METTL15: variants seen among roughly 807,000 people sequenced by gnomAD.
The protein encoded by METTL15 is methyltransferase 15, mitochondrial 12S rRNA N4-cytidine.
In METTL15, 34 loss-of-function variants were observed where a neutral mutation model predicts 38.3. That is an observed-to-expected ratio of 0.89 (90% CI 0.68 to 1.18). The LOEUF (loss-of-function observed/expected upper bound fraction) is 1.18. Ranked by LOEUF, METTL15 falls within the 50% of genes most tolerant of loss-of-function variation. The pLI, the probability that METTL15 is intolerant of heterozygous loss-of-function variation, is 0.00. For synonymous variants in METTL15, 162 were observed against 170.9 expected, an observed-to-expected ratio of 0.95 and a Z score of 0.41; for missense variants, 438 against 498.4, an observed-to-expected ratio of 0.88 and a Z score of 1.15.
intron 6 of METTL15, among the ~76,000 whole-genome samples, chr11:28,523,990 G>C (rs1312206876): frequency 6.6e-6 from 1 of 152,224 alleles, no homozygotes; most frequent in East Asian, 1.9e-4. Context: ...GCACAGGATA[G>C]ATCCCTAAAA....
In METTL15 at chr11:28,362,719, A is replaced by G. The variant is rs936355709; in HGVS notation, c.*358+683A>G. Among the ~76,000 whole-genome samples, 6 of 152,190 alleles carry G rather than the reference A, an allele frequency of 3.9e-5. No individual in the cohort carries two copies. The South Asian group carries it at 6.2e-4, about 16-fold the overall frequency. On this transcript the variant is annotated intron_variant and NMD_transcript_variant, in intron 5 of 7. Transcript: ENST00000532947. ...TGATTTTGTTCTTTTTTATGGCTGC[A>G]TAGTATTCCATGGTGTATACATACC...
intron 4 of METTL15, among the ~76,000 whole-genome samples, chr11:28,254,663 T>G (rs1854897276): frequency 6.6e-6 from 1 of 152,164 alleles, no homozygotes; most frequent in African/African-American, 2.4e-5. Flanking sequence ...TTTTTGTATA[T>G]GGCAAGAGAT....
At chr11:28,176,593 C>T (rs1340560583) in intron 3 of METTL15, among the ~76,000 whole-genome samples, 1 of 152,090 alleles carries the variant, frequency 6.6e-6, no homozygotes, top group African/African-American at 2.4e-5. Context: ...CTTATCATTA[C>T]CATTCACTCC....
intron 6 of METTL15, among the ~76,000 whole-genome samples, chr11:28,526,020 C>T (rs1016090625): frequency 1.3e-5 from 2 of 152,226 alleles, no homozygotes; most frequent in African/African-American, 4.8e-5. Context: ...GGACCTGGCG[C>T]ACCCTCTGCA....
intron 6 of METTL15, among the ~76,000 whole-genome samples, chr11:28,501,728 A>G (rs986132886): frequency 2.6e-5 from 4 of 152,310 alleles, no homozygotes; most frequent in South Asian, 2.1e-4. Flanking sequence ...GTCAGTGGTC[A>G]TTAGTCCAGG....
chr11:28,451,579 C>T (rs926372832), intron 6 of METTL15, among the ~76,000 whole-genome samples: 2 of 149,932 alleles, frequency 1.3e-5, no homozygotes, highest in Non-Finnish European at 1.5e-5. Context: ...AGTGAGACTC[C>T]GTCTCAAAAA....
At chr11:28,330,249 G>C in intron 6 of METTL15, 147 bp from the exon 7 acceptor site, 1 of 679,192 alleles carries the variant, frequency 1.5e-6, no homozygotes, top group Non-Finnish European at 2.4e-6. Context: ...GGAATAAGAG[G>C]GGGAAGTATG....
chr11:28,333,844 T>C (rs1849875276), downstream of METTL15, among the ~76,000 whole-genome samples: 1 of 151,880 alleles, frequency 6.6e-6, no homozygotes, highest in Non-Finnish European at 1.5e-5. Context: ...AATTAGATTT[T>C]TTAAATGAAC....
At chr11:28,296,631 TA>T (rs1856744965) in intron 5 of METTL15, 121 bp from the exon 6 acceptor site, 1 of 1,012,684 alleles carries the variant, frequency 9.9e-7, no homozygotes, top group Non-Finnish European at 1.4e-6. Context: ...TTTCTGACTT[TA>T]AAACCTCACT....
At chr11:28,524,427 T>C (rs1851792453) in intron 6 of METTL15, among the ~76,000 whole-genome samples, 1 of 152,206 alleles carries the variant, frequency 6.6e-6, no homozygotes, top group African/African-American at 2.4e-5. Context: ...GGCTTGATAA[T>C]TTTATCTGGG....
At chr11:28,450,623 C>A (rs1851112579) in intron 6 of METTL15, among the ~76,000 whole-genome samples, 1 of 152,116 alleles carries the variant, frequency 6.6e-6, no homozygotes, top group Non-Finnish European at 1.5e-5. Flanking sequence ...CAAAAGTAAC[C>A]ACCTATAGCA....
At chr11:28,157,402 G>A (rs1850300013) in intron 3 of METTL15, among the ~76,000 whole-genome samples, 1 of 152,198 alleles carries the variant, frequency 6.6e-6, no homozygotes, top group Non-Finnish European at 1.5e-5. Context: ...TGCTTAAGGT[G>A]TCAGTGGCAG....
intron 3 of METTL15, among the ~76,000 whole-genome samples, chr11:28,198,446 A>G (rs1177825546): frequency 1.3e-5 from 2 of 152,064 alleles, no homozygotes; most frequent in Non-Finnish European, 2.9e-5. Context: ...TTATTTTGTG[A>G]ATAGGAAAGG....
chr11:28,458,711 A>T (rs1300928539), intron 6 of METTL15, among the ~76,000 whole-genome samples: 2 of 152,202 alleles, frequency 1.3e-5, no homozygotes, highest in Non-Finnish European at 2.9e-5. Context: ...ATCTGATGCT[A>T]TTCAGAACAA....
intron 4 of METTL15, among the ~76,000 whole-genome samples, chr11:28,262,748 A>G (rs2133942891): frequency 6.6e-6 from 1 of 152,254 alleles, no homozygotes; most frequent in Non-Finnish European, 1.5e-5. Flanking sequence ...GTGTCTGTAT[A>G]GTAGCCCACA....
Position 28,130,285 on chromosome 11 carries a change from T to G in METTL15, c.270+16681T>G, listed in dbSNP as rs185927976. 1.1e-3 allele frequency among the ~76,000 whole-genome samples: 163 copies of G among 152,238 alleles called. No homozygotes were observed. In the Middle Eastern group the frequency reaches 0.014, roughly 13 times the overall value. Reference sequence around the variant, plus strand: ...GTGATCACACCACTGCACTCCAGCCTGGGTGACAGAGTGAGACCTGGTCTC... The same window carrying G: ...GTGATCACACCACTGCACTCCAGCCGGGGTGACAGAGTGAGACCTGGTCTC... On this transcript the variant is annotated intron_variant, in intron 3 of 6. Transcript: ENST00000407364.
intron 6 of METTL15, among the ~76,000 whole-genome samples, chr11:28,459,881 TAGAGA>T (rs1289817814): frequency 1.3e-5 from 2 of 152,110 alleles, no homozygotes; most frequent in Admixed American, 1.3e-4. Flanking sequence ...TATGTGTATG[TAGAGA>T]AATTTCTTGT....
At chr11:28,266,883 G>A (rs1855442526) in intron 4 of METTL15, among the ~76,000 whole-genome samples, 2 of 152,174 alleles carry the variant, frequency 1.3e-5, no homozygotes, top group Non-Finnish European at 2.9e-5. Context: ...GAATTGGCTG[G>A]GCGTGGTGGC....
chr11:28,382,051 C>A (rs962124406), intron 5 of METTL15, among the ~76,000 whole-genome samples: 5 of 152,020 alleles, frequency 3.3e-5, no homozygotes, highest in African/African-American at 1.2e-4. Context: ...TACCTGTGGA[C>A]CTTCTTTCTT....
Sources: gnomAD v4.1 joint callset for allele counts (sites outside exome capture counted in the v4.1 genomes callset) on GRCh38, gnomAD v4.1.1 for gene constraint, MANE v1.5 for transcripts, NCBI Gene and HGNC (gene_info 2026-07-23, HGNC 2026-07-21) for gene names.